RNF216: variants seen among roughly 807,000 people sequenced by gnomAD.
RNF216 encodes ring finger protein 216.
A neutral mutation model predicts 110.8 loss-of-function variants in RNF216; 72 were observed. The ratio of observed to expected loss-of-function variants is 0.65; its 90% CI spans 0.54 to 0.79. The LOEUF (loss-of-function observed/expected upper bound fraction) is 0.79, where lower values mean the gene tolerates loss of function less well. RNF216 is among the 30% of genes least tolerant of loss of function. The pLI is 0.00. For missense variants in RNF216, 1,342 were observed against 1,141.2 expected (o/e 1.18, Z -2.54); for synonymous variants, 495 against 407.5 (o/e 1.21, Z -2.59).
At chr7:5,642,425 G>C (rs963059301) in intron 14 of RNF216, among the ~76,000 whole-genome samples, 2 of 152,042 alleles carry the variant, frequency 1.3e-5, no homozygotes, top group South Asian at 4.2e-4. Flanking sequence ...TGTTGGCCAG[G>C]CTGGTCTGGA....
At chr7:5,717,557 G>A (rs957562572) in intron 9 of RNF216, among the ~76,000 whole-genome samples, 3 of 152,104 alleles carry the variant, frequency 2.0e-5, no homozygotes, top group African/African-American at 7.2e-5. Context: ...AATGATGTAT[G>A]CACAAACTTA....
At chr7:5,741,874 G>GT in intron 3 of RNF216, 59 bp from the exon 4 acceptor site, 1 of 1,520,404 alleles carries the variant, frequency 6.6e-7, no homozygotes, top group African/African-American at 1.4e-5. Context: ...CCCTCCTTAT[G>GT]TACTTATATT....
At chr7:5,660,943 G>GTTTTGTTTTTTTTTTTTTTTTTTT (rs1554352520) in intron 13 of RNF216, among the ~76,000 whole-genome samples, 1 of 90,164 alleles carries the variant, frequency 1.1e-5, no homozygotes, top group African/African-American at 5.5e-5. Context: ...GAAGCCTTAG[G>GTTTTGTTTTTTTTTTTTTTTTTTT]TTTTTTTTTT....
chr7:5,731,361 T>TCCCTTTGCCGTTACTTCAGGAGTCCCAC (rs1794079722), intron 5 of RNF216, among the ~76,000 whole-genome samples: 1 of 152,044 alleles, frequency 6.6e-6, no homozygotes, highest in African/African-American at 2.4e-5. Flanking sequence ...ACACGTGGTT[T>TCCCTTTGCCGTTACTTCAGGAGTCCCAC]ATTTAGCTAG....
At chr7:5,739,930 G>A (rs1186278439) in intron 4 of RNF216, among the ~76,000 whole-genome samples, 1 of 151,154 alleles carries the variant, frequency 6.6e-6, no homozygotes, top group Non-Finnish European at 1.5e-5. Flanking sequence ...TTGAACCCAG[G>A]AGGCGGAGGT....
At position 5,623,944 on chromosome 7, in the gene RNF216, C is replaced by CGGGGTG. The variant is rs374906084; in HGVS notation, c.2452+111_2452+112insCACCCC. The CGGGGTG allele has an allele frequency of 6.8e-5, 59 of 872,260 alleles. No individual in the cohort carries two copies. In the African/African-American group the frequency reaches 8.7e-4, roughly 13 times the overall value. The allele number at this position is 872,260 out of a possible 1,614,324, so 54.0% of individuals were successfully genotyped here. Reference sequence around the variant, plus strand: ...AGGTCTATAGCCACCTGAGGGACAGCACCCCCTCCTCTCCTGTGCTGGGTT... The same window carrying CGGGGTG: ...AGGTCTATAGCCACCTGAGGGACAGCGGGGTGACCCCCTCCTCTCCTGTGCTGGGTT... On this transcript the variant is annotated intron_variant, in intron 16 of 16. Coordinates refer to ENST00000389902, the MANE Select transcript of RNF216 (RefSeq NM_207111.4).
intron 13 of RNF216, among the ~76,000 whole-genome samples, chr7:5,694,905 G>T (rs1393480577): frequency 1.3e-5 from 2 of 152,166 alleles, no homozygotes; most frequent in Non-Finnish European, 2.9e-5. Context: ...AAGGACCCAA[G>T]CATTTTATAG....
In RNF216 at chr7:5,712,774, C is replaced by CTT; in HGVS notation, c.1921_1922dup (p.Tyr642SerfsTer35). 6.2e-7 allele frequency: 1 copy of CTT among 1,614,032 alleles called. No homozygotes were observed. The highest frequency in any genetic ancestry group is 8.5e-7 in the Non-Finnish European group (1 of 1,180,030). ...CCTCCTCGGCTTTTCGCTCATAGTA[C>CTT]TTATACAGGATGGTCTGGGGGAGCA... On this transcript the variant is annotated frameshift_variant, in exon 12 of 17. Coordinates refer to ENST00000389902, the MANE Select transcript of RNF216 (RefSeq NM_207111.4). LOFTEE classifies it high-confidence loss of function.
At chr7:5,715,950 C>A (rs746212215) in intron 10 of RNF216, among the ~76,000 whole-genome samples, 5 of 152,028 alleles carry the variant, frequency 3.3e-5, no homozygotes, top group Admixed American at 6.6e-5. Flanking sequence ...ACCACGTTGA[C>A]CAGGCTGGTC....
At chr7:5,646,964 T>C (rs543653562) in intron 14 of RNF216, among the ~76,000 whole-genome samples, 37 of 152,298 alleles carry the variant, frequency 2.4e-4, no homozygotes, top group African/African-American at 7.9e-4. Flanking sequence ...TGAGCATGTG[T>C]TGAGCCCTAG....
chr7:5,640,948 T>C (rs1356275800), intron 15 of RNF216, among the ~76,000 whole-genome samples: 1 of 152,248 alleles, frequency 6.6e-6, no homozygotes, highest in Non-Finnish European at 1.5e-5. Context: ...AATTTGCCTA[T>C]AAAACTGTTA....
At chr7:5,639,196 T>C (rs936195583) in intron 15 of RNF216, among the ~76,000 whole-genome samples, 5 of 152,112 alleles carry the variant, frequency 3.3e-5, no homozygotes, top group African/African-American at 9.7e-5. Flanking sequence ...GCAGGCTCTT[T>C]AGCCTCACTG....
Position 5,621,483 on chromosome 7 carries a change from A to G in RNF216, c.*1377T>C, listed in dbSNP as rs1160191132. On this transcript the variant is annotated 3_prime_UTR_variant, in exon 17 of 17. Transcript: ENST00000389902. ...ATCTTAGAGCCCACTTTAGTCCTTG[A>G]AATACATCTGAGAAGCCAATGGCAG... is the stretch of plus-strand genomic sequence containing the variant. 6.6e-6 allele frequency: 1 copy of G among 152,208 alleles called. No individual in the cohort carries two copies. The highest frequency in any genetic ancestry group is 1.5e-5 in the Non-Finnish European group (1 of 68,038). The allele number at this position is 152,208 out of a possible 1,614,324, so 9.4% of individuals were successfully genotyped here. A position where few individuals can be genotyped will look rare whatever the true frequency, so the allele number is the denominator to read the frequency against.
chr7:5,638,246 ATTAC>A (rs1787517919), intron 15 of RNF216, among the ~76,000 whole-genome samples: 1 of 152,118 alleles, frequency 6.6e-6, no homozygotes. Flanking sequence ...TATATATAGA[ATTAC>A]TTTTTGTACA....
chr7:5,756,017 C>T (rs950006845), intron 2 of RNF216, among the ~76,000 whole-genome samples: 19 of 152,256 alleles, frequency 1.2e-4, no homozygotes, highest in Middle Eastern at 6.8e-3. Flanking sequence ...AAAATCTCAT[C>T]TTGAATTGTA....
At chr7:5,766,680 C>T (rs998181355) in intron 1 of RNF216, among the ~76,000 whole-genome samples, 1 of 152,182 alleles carries the variant, frequency 6.6e-6, no homozygotes, top group Non-Finnish European at 1.5e-5. Context: ...CCAGCTGATG[C>T]TATTTTGTTA....
At chr7:5,732,114 ACTC>A (rs1794128742) in intron 5 of RNF216, among the ~76,000 whole-genome samples, 1 of 152,002 alleles carries the variant, frequency 6.6e-6, no homozygotes, top group Non-Finnish European at 1.5e-5. Context: ...AAAGCAGCAA[ACTC>A]CTCCTATTAC....
intron 1 of RNF216, among the ~76,000 whole-genome samples, chr7:5,772,859 C>A (rs1300120776): frequency 1.3e-5 from 2 of 150,496 alleles, no homozygotes; most frequent in Non-Finnish European, 2.9e-5. Context: ...CTCACTGCAA[C>A]CCTCTGCATC....
At chr7:5,720,961 T>C in intron 9 of RNF216, 72 bp downstream of exon 9, 1 of 1,425,722 alleles carries the variant, frequency 7.0e-7, no homozygotes, top group Non-Finnish European at 9.7e-7. Context: ...AAGACAGTTT[T>C]GTACTAACTA....
Sources: gnomAD v4.1 joint callset for allele counts (sites outside exome capture counted in the v4.1 genomes callset) on GRCh38, gnomAD v4.1.1 for gene constraint, MANE v1.5 for transcripts, NCBI Gene and HGNC (gene_info 2026-07-23, HGNC 2026-07-21) for gene names.